ARHGAP45: variants seen among roughly 807,000 people sequenced by gnomAD.
The protein encoded by ARHGAP45 is rho GTPase-activating protein 45.
ARHGAP45 carries 56 observed loss-of-function variants against 116.1 expected under a neutral mutation model. The ratio of observed to expected loss-of-function variants is 0.48; its 90% CI spans 0.39 to 0.60. The LOEUF (loss-of-function observed/expected upper bound fraction) is 0.60, where lower values mean the gene tolerates loss of function less well. ARHGAP45 is among the 20% of genes least tolerant of loss of function. The probability of loss-of-function intolerance (pLI) is 0.00; values close to 1 mark genes in which losing one functional copy is unlikely to be tolerated. For missense variants in ARHGAP45, 1,622 were observed against 1,601.0 expected, an observed-to-expected ratio of 1.01 and a Z score of -0.22; for synonymous variants, 866 against 701.7, an observed-to-expected ratio of 1.23 and a Z score of -3.70.
chr19:1,085,193 A>C (rs2043570035), intron 22 of ARHGAP45, among the ~76,000 whole-genome samples: 1 of 152,200 alleles, frequency 6.6e-6, no homozygotes, highest in Admixed American at 6.5e-5. Flanking sequence ...AAGAGGAGCA[A>C]GTCACATCTT....
At chr19:1,066,260 GGAGAGAGTTCACACTGCGGGGTGGGGGTT>G, upstream of ARHGAP45, 1 of 896,236 alleles carries the variant, frequency 1.1e-6, no homozygotes, top group Non-Finnish European at 1.6e-6. Flanking sequence ...TGGGGAGGGG[GGAGAGAGTTCACACTGCGGGGTGGGGGTT>G]GGGGGAAGGT....
rs760767836 is a variant in ARHGAP45 at position 1,080,239 on chromosome 19, C to T, written c.1704-16C>T. 26 of 1,612,054 alleles carry T rather than the reference C, an allele frequency of 1.6e-5. No individual in the cohort carries two copies. In the South Asian group the frequency reaches 2.2e-4, roughly 14 times the overall value. On this transcript the variant is annotated splice_polypyrimidine_tract_variant and intron_variant, in intron 13 of 22. Transcript: ENST00000313093. ...CCCCCATCACCTCCCCTCCTTTTCC[C>T]GGTTTCTTCCACTAGGTCCCCCGTC...
intron 7 of ARHGAP45, 48 bp downstream of exon 7, chr19:1,074,289 G>C: frequency 6.2e-7 from 1 of 1,611,854 alleles, no homozygotes. Flanking sequence ...AGGGGGTTCT[G>C]GGTGAGCTGG....
Position 1,083,451 on chromosome 19 carries a change from C to T in ARHGAP45, c.2955+98C>T, listed in dbSNP as rs993281165. The T allele has an allele frequency of 6.7e-5, 75 of 1,120,514 alleles. 1 individual carries two copies. The Middle Eastern group carries it at 1.2e-3, about 17-fold the overall frequency. The allele number at this position is 1,120,514 out of a possible 1,614,324, so 69.4% of individuals were successfully genotyped here. On this transcript the variant is annotated intron_variant, in intron 21 of 22. Coordinates refer to ENST00000313093, the MANE Select transcript of ARHGAP45 (RefSeq NM_012292.5). Reference sequence around the variant, plus strand: ...TTGTCGGATGAAGCCCAAGGAACCACAGGGAGATAATTTGGTTTGGACAGG... The same window carrying T: ...TTGTCGGATGAAGCCCAAGGAACCATAGGGAGATAATTTGGTTTGGACAGG...
chr19:1,073,571 G>A lies in ARHGAP45; in HGVS notation c.631G>A (p.Ala211Thr). 1 of 1,613,936 alleles carries A rather than the reference G, an allele frequency of 6.2e-7. No individual in the cohort carries two copies. The change falls in exon 4 of 23, where the codon GCT becomes ACT. Residue 211 changes from alanine to threonine, a missense_variant. By Grantham distance (58) the Ala-to-Thr change is moderately conservative (BLOSUM62 0). Coordinates refer to ENST00000313093, the MANE Select transcript of ARHGAP45 (RefSeq NM_012292.5). ...QEFEKALETIAVAFSSTVSEF... is the reference protein window; with the variant it reads ...QEFEKALETITVAFSSTVSEF... ...GTTCGAGAAGGCCCTGGAGACGATT[G>A]CTGTGGCCTTCAGTAGCACGTGAGC...
At chr19:1,081,335 C>T in intron 17 of ARHGAP45, 1 of 643,638 alleles carries the variant, frequency 1.6e-6, no homozygotes, top group Non-Finnish European at 2.6e-6. Flanking sequence ...GGCCCTGGAG[C>T]TGTGTCCAGA....
chr19:1,081,480 G>A lies in ARHGAP45; in HGVS notation c.2191-70G>A, dbSNP rs766293402. Reference sequence around the variant, plus strand: ...GCTGTGAGCGCCCCGGGGAGGTGGGGTGGAGCCGCTGGGGGCTGCGCTGAG... The same window carrying A: ...GCTGTGAGCGCCCCGGGGAGGTGGGATGGAGCCGCTGGGGGCTGCGCTGAG... On this transcript the variant is annotated intron_variant, in intron 17 of 22. Transcript: ENST00000313093. 6.3e-5 allele frequency: 88 copies of A among 1,392,880 alleles called. No individual in the cohort carries two copies. In the East Asian group the frequency reaches 1.4e-3, roughly 22 times the overall value. The allele number at this position is 1,392,880 out of a possible 1,614,324, so 86.3% of individuals were successfully genotyped here. A position where few individuals can be genotyped will look rare whatever the true frequency, so the allele number is the denominator to read the frequency against.
rs745574313 is a variant in ARHGAP45 at position 1,080,520 on chromosome 19, AGTGGGCTGGACC to A, written c.1886_1897del (p.Ser629_Pro633delinsThr). On this transcript the variant is annotated inframe_deletion, in exon 15 of 23. Transcript: ENST00000313093. The stretch of plus-strand genomic sequence containing the variant: ...GCCGCTCTCGATCTCAGACTCGGAC[AGTGGGCTGGACC>A]CCGGCCCTGGCGCAGGTGAGGGAGG... The A allele has an allele frequency of 6.2e-7, 1 of 1,612,914 alleles. No homozygotes were observed. The highest frequency in any genetic ancestry group is 1.1e-5 in the South Asian group (1 of 91,076).
rs1197364360 is a variant in ARHGAP45 at position 1,086,447 on chromosome 19, G to C, written c.*441G>C. 2 of 172,060 alleles carry C rather than the reference G, an allele frequency of 1.2e-5. No individual in the cohort carries two copies. The highest frequency in any genetic ancestry group is 2.5e-5 in the Non-Finnish European group (2 of 79,362). The allele number at this position is 172,060 out of a possible 1,614,324, so 10.7% of individuals were successfully genotyped here. On this transcript the variant is annotated 3_prime_UTR_variant, in exon 23 of 23. Transcript: ENST00000313093. ...GAGCCGTGGATGGGGGCGGAGCTGG[G>C]GTTTGGTGCAGTTTCCAGGGTGCAG...
intron 19 of ARHGAP45, chr19:1,082,418 G>C (rs539510233): frequency 4.1e-4 from 127 of 309,254 alleles, no homozygotes; most frequent in Non-Finnish European, 6.7e-4. Flanking sequence ...GGGCTTGGTG[G>C]GGCGAGGCTG....
chr19:1,086,325 C>G lies in ARHGAP45; in HGVS notation c.*319C>G. The G allele has an allele frequency of 3.3e-6, 1 of 301,400 alleles. No homozygotes were observed. Among genetic ancestry groups the G allele is most frequent in the Non-Finnish European group, 6.3e-6 (1 of 158,132 alleles). The allele number at this position is 301,400 out of a possible 1,614,324, so 18.7% of individuals were successfully genotyped here. A position where few individuals can be genotyped will look rare whatever the true frequency, so the allele number is the denominator to read the frequency against. ...GTGGATGGAGGAAGCTGTCCCTGCCCAGTGCATCCCCCAGGTCATCACGGG... is the reference window on the plus strand; with the variant it reads ...GTGGATGGAGGAAGCTGTCCCTGCCGAGTGCATCCCCCAGGTCATCACGGG... On this transcript the variant is annotated 3_prime_UTR_variant, in exon 23 of 23. Coordinates refer to ENST00000313093, the MANE Select transcript of ARHGAP45 (RefSeq NM_012292.5).
Position 1,079,727 on chromosome 19 carries a change from C to G in ARHGAP45, c.1399C>G (p.Arg467Gly). Reference protein sequence around the residue: ...NKAEEAMATYRTCVADAKTQK... With the variant: ...NKAEEAMATYGTCVADAKTQK... ...GGCGGAGGAAGCTATGGCCACCTACCGCACCTGCGTGGCCGACGCGAAGAC... is the reference window on the plus strand; with the variant it reads ...GGCGGAGGAAGCTATGGCCACCTACGGCACCTGCGTGGCCGACGCGAAGAC... The change falls in exon 12 of 23, where the codon CGC becomes GGC. Residue 467 changes from arginine (R) to glycine (G), a missense_variant. Physicochemically the swap from Arg to Gly is moderately radical, Grantham distance 125. This residue lies in a region of ARHGAP45 where 1,334 missense variants were observed against 1,263.8 expected (regional missense o/e 1.06). Coordinates refer to ENST00000313093, the MANE Select transcript of ARHGAP45 (RefSeq NM_012292.5). The G allele has an allele frequency of 6.2e-7, 1 of 1,612,580 alleles. No individual in the cohort carries two copies.
In ARHGAP45 at chr19:1,080,778, T is replaced by G; in HGVS notation, c.2009T>G (p.Phe670Cys). 1 of 1,613,222 alleles carries G rather than the reference T, an allele frequency of 6.2e-7. No homozygotes were observed. Among genetic ancestry groups the G allele is most frequent in the Non-Finnish European group, 8.5e-7 (1 of 1,179,900 alleles). ...DPDGGAGASA[F>C]EQADLNGMTP... ...GACGGTGGAGCCGGGGCTTCAGCCT[T>G]TGAGCAGGGTGAGGGTCCCCTGACG... The change falls in exon 16 of 23, where the codon TTT becomes TGT. Residue 670 changes from phenylalanine to cysteine, a missense_variant. Physicochemically the swap from Phe to Cys is radical, Grantham distance 205. Transcript: ENST00000313093.
intron 2 of ARHGAP45, among the ~76,000 whole-genome samples, chr19:1,072,869 T>G (rs573641656): frequency 6.6e-6 from 1 of 152,234 alleles, no homozygotes; most frequent in African/African-American, 2.4e-5. Context: ...GACTGTAGCT[T>G]GAAGGACAAG....
At position 1,077,849 on chromosome 19, in the gene ARHGAP45, AC is replaced by A; in HGVS notation, c.1186-5del. ...TTGGAACTGGCCTCCTGGCTCCCACACCCACAGCAAGAGGCGGAGTCCAACC... is the reference window on the plus strand; with the variant it reads ...TTGGAACTGGCCTCCTGGCTCCCACACCACAGCAAGAGGCGGAGTCCAACC... On this transcript the variant is annotated splice_polypyrimidine_tract_variant and splice_region_variant and intron_variant, in intron 10 of 22. Coordinates refer to ENST00000313093, the MANE Select transcript of ARHGAP45 (RefSeq NM_012292.5). 6.4e-7 allele frequency: 1 copy of A among 1,552,176 alleles called. No individual in the cohort carries two copies. Among genetic ancestry groups the A allele is most frequent in the Non-Finnish European group, 8.7e-7 (1 of 1,147,628 alleles).
upstream of ARHGAP45, chr19:1,066,234 G>C: frequency 7.8e-7 from 1 of 1,279,020 alleles, no homozygotes; most frequent in Non-Finnish European, 1.1e-6. Context: ...TTCTGGAAGG[G>C]GACAGCAGGG....
chr19:1,068,729 T>C lies in ARHGAP45; in HGVS notation c.406T>C (p.Cys136Arg). 1.2e-6 allele frequency: 2 copies of C among 1,609,918 alleles called. No homozygotes were observed. The highest frequency in any genetic ancestry group is 1.7e-6 in the Non-Finnish European group (2 of 1,178,910). ...FAEGLEKLKECVLRDDLLEAR... is the reference protein window; with the variant it reads ...FAEGLEKLKERVLRDDLLEAR... ...TGAGGGCCTTGAGAAACTTAAGGAG[T>C]GTGTGTTGCGTGACGGTGAGAGCCA... is the stretch of plus-strand genomic sequence containing the variant. The change falls in exon 2 of 23, where the codon TGT becomes CGT. Residue 136 changes from cysteine to arginine, a missense_variant. By Grantham distance (180) the Cys-to-Arg change is radical. This residue lies in a region of ARHGAP45 where 279 missense variants were observed against 311.9 expected (regional missense o/e 0.89). Transcript: ENST00000313093. This position sits in a 1 kb window ranked among gnomAD's most constrained non-coding sequence, Gnocchi z 7.5.
At position 1,082,897 on chromosome 19, in the gene ARHGAP45, G is replaced by A; in HGVS notation, c.2575G>A (p.Asp859Asn). 6.3e-7 allele frequency: 1 copy of A among 1,592,544 alleles called. No individual in the cohort carries two copies. Among genetic ancestry groups the A allele is most frequent in the Non-Finnish European group, 8.5e-7 (1 of 1,169,974 alleles). The change falls in exon 20 of 23, where the codon GAC becomes AAC. Residue 859 changes from aspartate (D) to asparagine (N), a missense_variant. Physicochemically the swap from Asp to Asn is conservative, Grantham distance 23 (BLOSUM62 1). Around this residue, in one of 3 missense-constraint regions of ARHGAP45, gnomAD observed 1,334 missense variants for 1,263.8 expected, o/e 1.06. Transcript: ENST00000313093. ...LYHELVGLAKDSLKAEAEAKA... is the reference protein window; with the variant it reads ...LYHELVGLAKNSLKAEAEAKA... ...CCACGAGCTCGTAGGGCTGGCCAAG[G>A]ACAGCCTGAAGGCAGAGGCCGAGGC...
chr19:1,083,029 CG>C lies in ARHGAP45; in HGVS notation c.2710del (p.Ala904ProfsTer22). The stretch of plus-strand genomic sequence containing the variant: ...CCTGCGGGACCTGCCGCCTGAGAAC[CG>C]GGCCTCGCTGCAGTACCTGCTGCGT... Reference protein sequence around the residue: ...ELLRDLPPENRASLQYLLRHL... With the variant: ...ELLRDLPPENXASLQYLLRHL... On this transcript the variant is annotated frameshift_variant, in exon 20 of 23. Coordinates refer to ENST00000313093, the MANE Select transcript of ARHGAP45 (RefSeq NM_012292.5). LOFTEE classifies it high-confidence loss of function. 1 of 1,544,688 alleles carries C rather than the reference CG, an allele frequency of 6.5e-7. No individual in the cohort carries two copies.
Sources: allele counts gnomAD v4.1 joint callset (sites outside exome capture counted in the v4.1 genomes callset), GRCh38; gene constraint gnomAD v4.1.1; regional missense constraint gnomAD v4.1.1; non-coding constraint Gnocchi (gnomAD v3.1); transcripts MANE v1.5; gene names NCBI Gene and HGNC (gene_info 2026-07-23, HGNC 2026-07-21).